Variants in SCAPER observed in about 807,000 individuals in gnomAD.
SCAPER encodes the protein S phase cyclin A-associated protein in the endoplasmic reticulum.
SCAPER carries 98 observed loss-of-function variants against 182.2 expected under a neutral mutation model. That is an observed-to-expected ratio of 0.54 (90% CI 0.46 to 0.64). The LOEUF is 0.64. Among genes scored for constraint, SCAPER ranks in the 30% least tolerant of loss-of-function variants. The pLI is 0.00. For missense variants in SCAPER, 1,432 were observed against 1,690.0 expected (o/e 0.85, Z 2.68); for synonymous variants, 605 against 564.6 (o/e 1.07, Z -1.01).
intron 2 of SCAPER, among the ~76,000 whole-genome samples, chr15:76,866,330 CA>C (rs908325063): frequency 4.6e-5 from 7 of 151,940 alleles, no homozygotes; most frequent in African/African-American, 1.7e-4. Flanking sequence ...AGAGTCTTCA[CA>C]AAATAATGAG....
chr15:76,728,772 T>C lies in SCAPER; in HGVS notation c.2023-35A>G, dbSNP rs761408717. 9.5e-6 allele frequency: 15 copies of C among 1,576,308 alleles called. No individual in the cohort carries two copies. In the South Asian group the frequency reaches 1.8e-4, roughly 18 times the overall value. ...GAAATATTTGTTTCCAATATTAGAATTATGTGTAAAATAAAAATGATTCAA... is the reference window on the plus strand; with the variant it reads ...GAAATATTTGTTTCCAATATTAGAACTATGTGTAAAATAAAAATGATTCAA... On this transcript the variant is annotated intron_variant, in intron 16 of 31. Transcript: ENST00000563290.
intron 22 of SCAPER, among the ~76,000 whole-genome samples, chr15:76,575,975 T>C (rs1035431395): frequency 5.3e-5 from 8 of 152,238 alleles, no homozygotes; most frequent in African/African-American, 1.9e-4. Flanking sequence ...GCTTTATCCT[T>C]ATCATGTAAC....
At chr15:76,743,822 C>T (rs1399854877) in intron 15 of SCAPER, among the ~76,000 whole-genome samples, 1 of 151,942 alleles carries the variant, frequency 6.6e-6, no homozygotes, top group East Asian at 1.9e-4. Flanking sequence ...AAAAGTGCCC[C>T]AATAGCCAAA....
At chr15:76,377,143 G>C (rs77817332) in intron 28 of SCAPER, among the ~76,000 whole-genome samples, 1,859 of 152,312 alleles carry the variant, frequency 0.012, 115 homozygotes, top group Admixed American at 0.1. Flanking sequence ...CTTGATTTGA[G>C]GTCTTAGTGG....
At chr15:76,457,065 A>G (rs934002104) in intron 25 of SCAPER, among the ~76,000 whole-genome samples, 1 of 144,724 alleles carries the variant, frequency 6.9e-6, no homozygotes, top group African/African-American at 2.5e-5. Context: ...GGCTTTACAC[A>G]CTTTTTTTTT....
intron 20 of SCAPER, among the ~76,000 whole-genome samples, chr15:76,696,651 A>G (rs1271953159): frequency 6.6e-6 from 1 of 152,186 alleles, no homozygotes; most frequent in South Asian, 2.1e-4. Context: ...AGCAACTTCT[A>G]GAAAAGATAC....
intron 22 of SCAPER, among the ~76,000 whole-genome samples, chr15:76,608,729 G>A (rs1047018569): frequency 7.2e-5 from 11 of 152,188 alleles, no homozygotes; most frequent in Non-Finnish European, 1.3e-4. Context: ...AATGGCGGGC[G>A]CCCCTCCCCC....
At chr15:76,613,304 A>G (rs998427243) in intron 22 of SCAPER, among the ~76,000 whole-genome samples, 5 of 152,222 alleles carry the variant, frequency 3.3e-5, no homozygotes, top group Non-Finnish European at 5.9e-5. Flanking sequence ...TGTAAAACCC[A>G]AAACTATAAA....
intron 23 of SCAPER, among the ~76,000 whole-genome samples, chr15:76,539,221 C>G (rs2044493537): frequency 6.6e-6 from 1 of 152,052 alleles, no homozygotes; most frequent in African/African-American, 2.4e-5. Flanking sequence ...GGATTGATAA[C>G]TAGATTATTT....
intron 18 of SCAPER, 112 bp from the exon 19 acceptor site, chr15:76,703,114 T>C: frequency 1.7e-6 from 2 of 1,197,722 alleles, no homozygotes; most frequent in Middle Eastern, 2.8e-4. Context: ...GTCGTTTCTA[T>C]GACAACTTAC....
chr15:76,784,877 A>T (rs1210801027), intron 8 of SCAPER, among the ~76,000 whole-genome samples: 2 of 152,230 alleles, frequency 1.3e-5, no homozygotes, highest in African/African-American at 4.8e-5. Context: ...ACAAAAATTA[A>T]TTCAAGATGG....
At chr15:76,415,686 A>T (rs1396077168) in intron 26 of SCAPER, among the ~76,000 whole-genome samples, 2 of 152,236 alleles carry the variant, frequency 1.3e-5, no homozygotes, top group Non-Finnish European at 2.9e-5. Context: ...GTTGTTTATG[A>T]AGATAGATAC....
chr15:76,807,287 T>C (rs1211539880), intron 5 of SCAPER, among the ~76,000 whole-genome samples: 1 of 152,224 alleles, frequency 6.6e-6, no homozygotes, highest in Non-Finnish European at 1.5e-5. Context: ...ATGCCTTTTC[T>C]GCACCAACTG....
At chr15:76,789,532 G>A (rs1270017580) in intron 8 of SCAPER, among the ~76,000 whole-genome samples, 3 of 152,170 alleles carry the variant, frequency 2.0e-5, no homozygotes, top group Non-Finnish European at 2.9e-5. Flanking sequence ...GCAGTCAAGA[G>A]AGGAGTATAT....
At chr15:76,633,730 T>C (rs2053357130) in intron 21 of SCAPER, among the ~76,000 whole-genome samples, 1 of 152,198 alleles carries the variant, frequency 6.6e-6, no homozygotes, top group Admixed American at 6.5e-5. Context: ...TGTGCTGCAC[T>C]GTGGGGAATT....
At chr15:76,788,618 ATGTT>A (rs1395176443) in intron 8 of SCAPER, among the ~76,000 whole-genome samples, 3 of 152,142 alleles carry the variant, frequency 2.0e-5, no homozygotes, top group African/African-American at 7.2e-5. Context: ...CGTATGTTGT[ATGTT>A]TATTTTAAAA....
chr15:76,615,616 T>C (rs2051404145), intron 22 of SCAPER, among the ~76,000 whole-genome samples: 1 of 149,762 alleles, frequency 6.7e-6, no homozygotes, highest in African/African-American at 2.5e-5. Flanking sequence ...GTCAGGAGAT[T>C]GAGACCATCC....
intron 23 of SCAPER, among the ~76,000 whole-genome samples, chr15:76,521,480 C>G (rs1218411436): frequency 6.6e-6 from 1 of 151,842 alleles, no homozygotes; most frequent in South Asian, 2.1e-4. Flanking sequence ...GCCAGGAGTT[C>G]GAGACCAATT....
rs1180174835 is a variant in SCAPER at position 76,588,466 on chromosome 15, A to C, written c.2712-14182T>G. On this transcript the variant is annotated intron_variant, in intron 22 of 31. Transcript: ENST00000563290. ...ATGGAATGTCTTTTTCTACCCCTTT[A>C]CCTTAAGTTTATGTGAGTCCTTATG... Among the ~76,000 whole-genome samples the C allele has an allele frequency of 4.6e-5, 7 of 151,866 alleles. No individual in the cohort carries two copies. The East Asian group carries it at 1.4e-3, about 29-fold the overall frequency.
Sources: gnomAD v4.1 joint callset for allele counts (sites outside exome capture counted in the v4.1 genomes callset) on GRCh38, gnomAD v4.1.1 for gene constraint, MANE v1.5 for transcripts, NCBI Gene and HGNC (gene_info 2026-07-23, HGNC 2026-07-21) for gene names.